Variants in PRUNE1 observed in about 807,000 individuals in gnomAD.
PRUNE1 encodes prune exopolyphosphatase 1.
In PRUNE1, 25 loss-of-function variants were observed where a neutral mutation model predicts 42.5. The observed-to-expected ratio is 0.59, with a 90% confidence interval of 0.43 to 0.82. The LOEUF (loss-of-function observed/expected upper bound fraction) is 0.82, where lower values mean the gene tolerates loss of function less well. PRUNE1 is among the 40% of genes least tolerant of loss of function. The probability of loss-of-function intolerance (pLI) is 0.00; values close to 1 mark genes in which losing one functional copy is unlikely to be tolerated. For missense variants in PRUNE1, 443 were observed against 539.3 expected, an observed-to-expected ratio of 0.82 and a Z score of 1.77; for synonymous variants, 203 against 217.1, an observed-to-expected ratio of 0.93 and a Z score of 0.57.
chr1:151,028,996 T>C (rs1248702344), intron 7 of PRUNE1, 52 bp downstream of exon 7: 2 of 1,530,948 alleles, frequency 1.3e-6, no homozygotes, highest in Non-Finnish European at 1.8e-6. Context: ...TCTGCCTGTA[T>C]GTACCTCTGT....
At chr1:151,029,646 C>T (rs944139300) in intron 7 of PRUNE1, among the ~76,000 whole-genome samples, 3 of 151,446 alleles carry the variant, frequency 2.0e-5, no homozygotes, top group Non-Finnish European at 2.9e-5. Context: ...GGATTACAGG[C>T]GTGAGCCACC....
intron 6 of PRUNE1, among the ~76,000 whole-genome samples, chr1:151,028,279 G>A (rs1675005171): frequency 6.6e-6 from 1 of 152,060 alleles, no homozygotes; most frequent in South Asian, 2.1e-4. Context: ...TTATTCTGTT[G>A]CCCAGGATGG....
At chr1:151,018,817 C>G in intron 3 of PRUNE1, 148 bp downstream of exon 3, 1 of 646,510 alleles carries the variant, frequency 1.5e-6, no homozygotes, top group Non-Finnish European at 2.6e-6. Flanking sequence ...CCAAGGCGGG[C>G]GGATCACCTG....
chr1:151,025,649 C>G lies in PRUNE1; in HGVS notation c.655C>G (p.Gln219Glu). The G allele has an allele frequency of 6.2e-7, 1 of 1,613,552 alleles. No homozygotes were observed. The highest frequency in any genetic ancestry group is 8.5e-7 in the Non-Finnish European group (1 of 1,179,734). ...GAGAAATGATATATTTGATTCCCTA[C>G]AAAAGGCAAAGTTTGATGTATCAGG... ...PKRNDIFDSL[Q>E]KAKFDVSGLT... is the part of the protein sequence containing the mutation. The change falls in exon 5 of 8, where the codon CAA becomes GAA. Residue 219 changes from glutamine to glutamate, a missense_variant. By Grantham distance (29) the Gln-to-Glu change is conservative (BLOSUM62 2). Transcript: ENST00000271620.
chr1:151,009,731 A>G (rs1673630485), intron 1 of PRUNE1, among the ~76,000 whole-genome samples: 1 of 152,244 alleles, frequency 6.6e-6, no homozygotes, highest in East Asian at 1.9e-4. Flanking sequence ...TTGTCTTCAT[A>G]TTGAATTGGG....
At chr1:151,016,705 T>C (rs1330204174) in intron 1 of PRUNE1, among the ~76,000 whole-genome samples, 4 of 151,658 alleles carry the variant, frequency 2.6e-5, no homozygotes, top group African/African-American at 9.7e-5. Flanking sequence ...TTTCATCATA[T>C]TGGTTAGGTT....
At chr1:151,015,824 G>GA (rs1487561428) in intron 1 of PRUNE1, among the ~76,000 whole-genome samples, 1 of 151,740 alleles carries the variant, frequency 6.6e-6, no homozygotes, top group Non-Finnish European at 1.5e-5. Context: ...GTTAAAAAAA[G>GA]AAAAAGAATT....
chr1:151,017,449 A>C (rs74125014), intron 1 of PRUNE1, among the ~76,000 whole-genome samples: 1 of 152,034 alleles, frequency 6.6e-6, no homozygotes, highest in Admixed American at 6.6e-5. Flanking sequence ...GAAGCCCTAC[A>C]TGAGTATAAG....
chr1:151,034,448 T>A lies in PRUNE1; in HGVS notation c.*214T>A, dbSNP rs773396122. The A allele has an allele frequency of 1.8e-6, 1 of 549,742 alleles. No homozygotes were observed. Among genetic ancestry groups the A allele is most frequent in the Non-Finnish European group, 3.2e-6 (1 of 310,616 alleles). The allele number at this position is 549,742 out of a possible 1,614,324, so 34.1% of individuals were successfully genotyped here. On this transcript the variant is annotated 3_prime_UTR_variant, in exon 8 of 8. Transcript: ENST00000271620. ...CCCTAATCTCTACCAATCAGACACATTTTATTATTTAAATCTGCACCTCTC... is the reference window on the plus strand; with the variant it reads ...CCCTAATCTCTACCAATCAGACACAATTTATTATTTAAATCTGCACCTCTC...
In PRUNE1 at chr1:151,019,654, A is replaced by G. The variant is rs587661484; in HGVS notation, c.335+985A>G. The stretch of plus-strand genomic sequence containing the variant: ...CTTTTTATTTTTTTACTTATTATTT[A>G]TTTTTGTACTTACTTATTAAATTTT... On this transcript the variant is annotated intron_variant, in intron 3 of 7. Transcript: ENST00000271620. 8.7e-5 allele frequency among the ~76,000 whole-genome samples: 13 copies of G among 149,064 alleles called. No homozygotes were observed. The East Asian group carries it at 2.2e-3, about 25-fold the overall frequency.
chr1:151,017,364 T>G (rs781417323), intron 1 of PRUNE1, among the ~76,000 whole-genome samples: 1 of 152,170 alleles, frequency 6.6e-6, no homozygotes, highest in South Asian at 2.1e-4. Context: ...GAAACACTTA[T>G]GCCATCTATG....
Position 151,017,810 on chromosome 1 carries a change from A to T in PRUNE1, c.40-2A>T. The T allele has an allele frequency of 6.4e-7, 1 of 1,565,886 alleles. No individual in the cohort carries two copies. Among genetic ancestry groups the T allele is most frequent in the Non-Finnish European group, 8.8e-7 (1 of 1,138,272 alleles). On this transcript the variant is annotated splice_acceptor_variant, in intron 1 of 7. Transcript: ENST00000271620. LOFTEE classifies it high-confidence loss of function. ...TAGTTTCCCATTTTCCTTTCTCTCCAGGAGTCCCGACCTCTACATGTTGTG... is the reference window on the plus strand; with the variant it reads ...TAGTTTCCCATTTTCCTTTCTCTCCTGGAGTCCCGACCTCTACATGTTGTG...
At chr1:151,029,831 C>G (rs186239843) in intron 7 of PRUNE1, among the ~76,000 whole-genome samples, 5 of 152,210 alleles carry the variant, frequency 3.3e-5, no homozygotes, top group East Asian at 3.9e-4. Flanking sequence ...TTTTCTGCTA[C>G]TTACTATGCA....
At chr1:151,031,920 A>G (rs981016951) in intron 7 of PRUNE1, among the ~76,000 whole-genome samples, 3 of 152,200 alleles carry the variant, frequency 2.0e-5, no homozygotes, top group African/African-American at 7.2e-5. Flanking sequence ...AAAATGAAAT[A>G]TACAATCTAA....
rs762922023 is a variant in PRUNE1 at position 151,024,644 on chromosome 1, G to C, written c.369G>C (p.Glu123Asp). The change falls in exon 4 of 8, where the codon GAG (glutamate) becomes GAC (aspartate). Residue 123 changes from glutamate to aspartate, a missense_variant. By Grantham distance (45) the Glu-to-Asp change is conservative. Coordinates refer to ENST00000271620, the MANE Select transcript of PRUNE1 (RefSeq NM_021222.3). ...SDTALEEAVA[E>D]VLDHRPIEPK... ...CAGCCCTAGAGGAGGCAGTAGCAGA[G>C]GTGCTAGACCATCGACCCATCGAGC... The C allele has an allele frequency of 3.1e-6, 5 of 1,612,606 alleles. No individual in the cohort carries two copies. In the East Asian group the frequency reaches 1.1e-4, roughly 36 times the overall value.
chr1:151,008,794 G>T, intron 1 of PRUNE1, 123 bp downstream of exon 1: 2 of 1,209,246 alleles, frequency 1.7e-6, no homozygotes, highest in African/African-American at 1.5e-5. Context: ...GGGGAGGGGG[G>T]TTGGGGCCTG....
intron 3 of PRUNE1, among the ~76,000 whole-genome samples, chr1:151,021,442 C>T (rs768456340): frequency 3.3e-5 from 5 of 152,168 alleles, no homozygotes; most frequent in African/African-American, 4.8e-5. Context: ...GCAACAAGAG[C>T]GAAACTCCGT....
intron 2 of PRUNE1, among the ~76,000 whole-genome samples, chr1:151,018,134 T>C (rs965086541): frequency 6.6e-6 from 1 of 152,112 alleles, no homozygotes; most frequent in Non-Finnish European, 1.5e-5. Context: ...CATAAAGCAA[T>C]ATTCAAACAG....
rs992790669 is a variant in PRUNE1 at position 151,035,029 on chromosome 1, G to C, written c.*795G>C. The C allele has an allele frequency of 9.2e-5, 14 of 152,196 alleles. No individual in the cohort carries two copies. The highest frequency in any genetic ancestry group is 3.4e-4 in the African/African-American group (14 of 41,440). 9.4% of individuals were successfully genotyped at this position (152,196 alleles called of 1,614,324 possible). The stretch of plus-strand genomic sequence containing the variant: ...AACAGAACTGGAATGAGAGGCCTGG[G>C]TCTGTCTCCTGCCTTAGCAGGCCTA... On this transcript the variant is annotated 3_prime_UTR_variant, in exon 8 of 8. Transcript: ENST00000271620.
Sources: gnomAD v4.1 joint callset for allele counts (sites outside exome capture counted in the v4.1 genomes callset) on GRCh38, gnomAD v4.1.1 for gene constraint, MANE v1.5 for transcripts, NCBI Gene and HGNC (gene_info 2026-07-23, HGNC 2026-07-21) for gene names.